The following AIG1 variants were observed in gnomAD, a reference collection of about 807,000 sequenced individuals.
The protein encoded by AIG1 is androgen-induced gene 1 protein.
Under a neutral mutation model 31.4 loss-of-function variants are expected in AIG1, and 23 were observed. The ratio of observed to expected loss-of-function variants is 0.73; its 90% CI spans 0.53 to 1.04. The LOEUF is 1.04. AIG1 is among the 50% of genes least tolerant of loss of function. The pLI, the probability that AIG1 is intolerant of heterozygous loss-of-function variation, is 0.00. For synonymous variants in AIG1, 100 were observed against 110.5 expected, an observed-to-expected ratio of 0.90 and a Z score of 0.60; for missense variants, 274 against 295.0, an observed-to-expected ratio of 0.93 and a Z score of 0.52.
At position 143,186,149 on chromosome 6, in the gene AIG1, C is replaced by T. The variant is rs532221872; in HGVS notation, c.399+20966C>T. On this transcript the variant is annotated intron_variant, in intron 3 of 5. Transcript: ENST00000357847. ...GGCTGCCCTATCTGTACCTGTGTGC[C>T]GTGGTACCTGCCCTCTCTGTACCTG... Among the ~76,000 whole-genome samples the T allele has an allele frequency of 5.9e-5, 9 of 152,274 alleles. No individual in the cohort carries two copies. In the East Asian group the frequency reaches 1.5e-3, roughly 26 times the overall value.
chr6:143,340,317 A>C lies in AIG1; in HGVS notation c.*641A>C, dbSNP rs965053781. 6.6e-6 allele frequency: 1 copy of C among 152,222 alleles called. No individual in the cohort carries two copies. Among genetic ancestry groups the C allele is most frequent in the Non-Finnish European group, 1.5e-5 (1 of 68,046 alleles). The allele number at this position is 152,222 out of a possible 1,614,324, so 9.4% of individuals were successfully genotyped here. A position where few individuals can be genotyped will look rare whatever the true frequency, so the allele number is the denominator to read the frequency against. On this transcript the variant is annotated 3_prime_UTR_variant, in exon 6 of 6. Coordinates refer to ENST00000357847, the MANE Select transcript of AIG1 (RefSeq NM_016108.4). ...AAGCCACCCTGAACCTGACGTCTGC[A>C]TTGTGCATCTCAAAATCCTAACAGC...
chr6:143,185,983 T>C (rs1337821531), intron 3 of AIG1, among the ~76,000 whole-genome samples: 3 of 152,194 alleles, frequency 2.0e-5, no homozygotes, highest in African/African-American at 7.2e-5. Flanking sequence ...GTCAAGCTGA[T>C]TGATTTATAA....
At chr6:143,112,075 C>T (rs1781324705) in intron 1 of AIG1, among the ~76,000 whole-genome samples, 1 of 152,124 alleles carries the variant, frequency 6.6e-6, no homozygotes, top group Non-Finnish European at 1.5e-5. Context: ...GCACAAAAGC[C>T]AAGACCTTCA....
Position 143,061,866 on chromosome 6 carries a change from C to T in AIG1, c.141+800C>T, listed in dbSNP as rs373483234. Among the ~76,000 whole-genome samples the T allele has an allele frequency of 6.6e-5, 10 of 152,348 alleles. No homozygotes were observed. In the East Asian group the frequency reaches 1.9e-3, roughly 29 times the overall value. On this transcript the variant is annotated intron_variant, in intron 1 of 5. Transcript: ENST00000357847. ...TCTTCAACCTCCCTGGAGAACAGAA[C>T]ATGGGCATAAGGCCCAATAATGAAC...
intron 1 of AIG1, among the ~76,000 whole-genome samples, chr6:143,079,904 G>C (rs761995810): frequency 6.6e-6 from 1 of 150,934 alleles, no homozygotes; most frequent in Non-Finnish European, 1.5e-5. Context: ...TTTATATCCC[G>C]ATCATTATCC....
At chr6:143,227,873 A>G (rs1022112921) in intron 3 of AIG1, among the ~76,000 whole-genome samples, 3 of 152,104 alleles carry the variant, frequency 2.0e-5, no homozygotes, top group African/African-American at 7.2e-5. Flanking sequence ...TTGTCACCTC[A>G]TGGTCCTTAA....
At chr6:143,093,925 GATCAAGGATTGCT>G (rs1779526412) in intron 1 of AIG1, 1 of 152,070 alleles carries the variant, frequency 6.6e-6, no homozygotes, top group Non-Finnish European at 1.5e-5. Context: ...ATAATAGTAA[GATCAAGGATTGCT>G]GATCATAGAT....
chr6:143,095,330 A>G (rs1779655909), intron 1 of AIG1, among the ~76,000 whole-genome samples: 1 of 152,200 alleles, frequency 6.6e-6, no homozygotes, highest in Non-Finnish European at 1.5e-5. Flanking sequence ...AAAAAAATTA[A>G]AAGACTACTG....
intron 1 of AIG1, among the ~76,000 whole-genome samples, chr6:143,063,607 A>G (rs1232648774): frequency 6.6e-6 from 1 of 152,238 alleles, no homozygotes; most frequent in Non-Finnish European, 1.5e-5. Flanking sequence ...TTTTAATGTT[A>G]AAAAGACCGT....
intron 3 of AIG1, among the ~76,000 whole-genome samples, chr6:143,278,233 T>C (rs1797081453): frequency 6.6e-6 from 1 of 152,206 alleles, no homozygotes; most frequent in African/African-American, 2.4e-5. Flanking sequence ...TCAAATAATC[T>C]AGTAGTTAGA....
intron 3 of AIG1, among the ~76,000 whole-genome samples, chr6:143,266,358 A>AT (rs200898407): frequency 0.032 from 4,745 of 150,620 alleles, 103 homozygotes; most frequent in Middle Eastern, 0.045. Context: ...AAAAAAAAAA[A>AT]AAAAAAAGAA....
chr6:143,255,897 C>T (rs537144180), intron 3 of AIG1, among the ~76,000 whole-genome samples: 2 of 152,228 alleles, frequency 1.3e-5, no homozygotes, highest in Non-Finnish European at 2.9e-5. Flanking sequence ...TTTTGAGATA[C>T]TCTGTTTTGC....
intron 3 of AIG1, among the ~76,000 whole-genome samples, chr6:143,179,355 G>A (rs929313131): frequency 6.6e-6 from 1 of 152,188 alleles, no homozygotes; most frequent in African/African-American, 2.4e-5. Context: ...CTTGTGTGCA[G>A]AATCACATTC....
intron 3 of AIG1, among the ~76,000 whole-genome samples, chr6:143,179,537 AG>A (rs1344323903): frequency 1.3e-5 from 2 of 152,216 alleles, no homozygotes; most frequent in Non-Finnish European, 2.9e-5. Flanking sequence ...GGCATAAGAA[AG>A]CTTACAGGAT....
At chr6:143,087,941 A>C (rs983324385) in intron 1 of AIG1, among the ~76,000 whole-genome samples, 1 of 152,170 alleles carries the variant, frequency 6.6e-6, no homozygotes, top group Admixed American at 6.5e-5. Context: ...CACATATCTC[A>C]TAAATATAAG....
chr6:143,102,511 A>C (rs1037018789), intron 1 of AIG1, among the ~76,000 whole-genome samples: 2 of 147,448 alleles, frequency 1.4e-5, no homozygotes, highest in African/African-American at 4.9e-5. Context: ...ATGATACATA[A>C]TATATAATAT....
rs1180247115 is a variant in AIG1 at position 143,268,100 on chromosome 6, A to C, written c.400-16010A>C. 2.6e-5 allele frequency among the ~76,000 whole-genome samples: 4 copies of C among 152,214 alleles called. No homozygotes were observed. The highest frequency in any genetic ancestry group is 9.6e-5 in the African/African-American group (4 of 41,452). On this transcript the variant is annotated intron_variant, in intron 3 of 5. Transcript: ENST00000357847. This position sits in a 1 kb window ranked among gnomAD's most constrained non-coding sequence, Gnocchi z 5.0. ...TATATATCCATGATGAATTATAATA[A>C]AAATAGGGAGGATTATGACTTGATA...
At chr6:143,121,315 A>T (rs1007858407) in intron 1 of AIG1, among the ~76,000 whole-genome samples, 1 of 152,002 alleles carries the variant, frequency 6.6e-6, no homozygotes, top group Non-Finnish European at 1.5e-5. Flanking sequence ...CAAGTATGTG[A>T]TTTCTTCCAG....
chr6:143,226,903 C>T (rs570620121), intron 3 of AIG1, among the ~76,000 whole-genome samples: 81 of 151,908 alleles, frequency 5.3e-4, no homozygotes, highest in African/African-American at 1.8e-3. Context: ...ACCTGTGGCC[C>T]GCAGCCGACA....
Sources: gnomAD v4.1 joint callset for allele counts (sites outside exome capture counted in the v4.1 genomes callset) on GRCh38, gnomAD v4.1.1 for gene constraint, Gnocchi (gnomAD v3.1) non-coding constraint, MANE v1.5 for transcripts, NCBI Gene and HGNC (gene_info 2026-07-23, HGNC 2026-07-21) for gene names.